Variants in IMMP2L observed in about 807,000 individuals in gnomAD.
IMMP2L encodes the protein mitochondrial inner membrane protease subunit 2.
IMMP2L carries 18 observed loss-of-function variants against 19.3 expected under a neutral mutation model. The ratio of observed to expected loss-of-function variants is 0.93; its 90% confidence interval spans 0.64 to 1.38. The LOEUF is 1.38. IMMP2L is among the 40% of genes most tolerant of loss of function. IMMP2L has a pLI of 0.00. For synonymous variants in IMMP2L, 76 were observed against 73.0 expected (o/e 1.04, Z -0.21); for missense variants, 233 against 218.2 (o/e 1.07, Z -0.43).
In IMMP2L at chr7:111,231,539, C is replaced by T. The variant is rs1813717068; in HGVS notation, c.239+255699G>A. ...TGCTTGCTCATTCTAAAGTAGGTTG[C>T]TGCCTGGTTTTTTTTCCCCTCTCAT... On this transcript the variant is annotated intron_variant, in intron 3 of 5. Transcript: ENST00000405709. 1.3e-5 allele frequency among the ~76,000 whole-genome samples: 2 copies of T among 151,934 alleles called. 1 individual carries two copies. Among genetic ancestry groups the T allele is most frequent in the Admixed American group, 1.3e-4 (2 of 15,182 alleles).
chr7:111,420,627 A>G (rs1487613874), intron 3 of IMMP2L, among the ~76,000 whole-genome samples: 1 of 134,130 alleles, frequency 7.5e-6, no homozygotes, highest in Non-Finnish European at 1.5e-5. Context: ...TCATTGTTCA[A>G]TTCCCACCTA....
At chr7:111,529,413 A>T (rs1847187457) in intron 1 of IMMP2L, among the ~76,000 whole-genome samples, 1 of 152,216 alleles carries the variant, frequency 6.6e-6, no homozygotes, top group Non-Finnish European at 1.5e-5. Flanking sequence ...TTTCAGGACT[A>T]TCTTGCTCCT....
intron 3 of IMMP2L, among the ~76,000 whole-genome samples, chr7:111,105,849 C>T (rs117806287): frequency 0.018 from 2,716 of 151,948 alleles, 31 homozygotes; most frequent in Non-Finnish European, 0.026. Context: ...TCTTTTATAG[C>T]ATCCCCACTT....
rs977162891 is a variant in IMMP2L, at chr7:110,727,837, G to A, written c.409-64116C>T. 1.4e-4 allele frequency among the ~76,000 whole-genome samples: 22 copies of A among 152,296 alleles called. No homozygotes were observed. The highest frequency in any genetic ancestry group is 2.9e-4 in the Non-Finnish European group (20 of 68,030). On this transcript the variant is annotated intron_variant, in intron 5 of 5. Coordinates refer to ENST00000405709, the MANE Select transcript of IMMP2L (RefSeq NM_032549.4). This position sits in a 1 kb window ranked among gnomAD's most constrained non-coding sequence, Gnocchi z 4.3. ...CGTAAGAAAAGAATTGCTTCACCGA[G>A]TGGATTTAAACAGATATGAGGTAAA...
At chr7:111,257,461 T>C (rs1227272243) in intron 3 of IMMP2L, among the ~76,000 whole-genome samples, 2 of 152,162 alleles carry the variant, frequency 1.3e-5, no homozygotes, top group Non-Finnish European at 1.5e-5. Flanking sequence ...TGTTATTGTT[T>C]ATAGCAACCT....
chr7:111,066,416 A>C (rs1252144848), intron 3 of IMMP2L, among the ~76,000 whole-genome samples: 1 of 152,250 alleles, frequency 6.6e-6, no homozygotes, highest in Admixed American at 6.5e-5. Context: ...TGAAAATATT[A>C]ACAATAAAAA....
At chr7:111,428,861 A>C (rs1374585572) in intron 3 of IMMP2L, among the ~76,000 whole-genome samples, 1 of 151,854 alleles carries the variant, frequency 6.6e-6, no homozygotes, top group Non-Finnish European at 1.5e-5. Flanking sequence ...TTCATTTTCC[A>C]TAAGTACTTA....
At chr7:110,703,511 A>G (rs771024957) in intron 5 of IMMP2L, among the ~76,000 whole-genome samples, 3 of 152,194 alleles carry the variant, frequency 2.0e-5, no homozygotes, top group Non-Finnish European at 2.9e-5. Context: ...TCTCTCAGAG[A>G]TAATTCCTTT....
At chr7:111,321,558 T>TTCTCAA (rs1159441553) in intron 3 of IMMP2L, among the ~76,000 whole-genome samples, 1 of 151,926 alleles carries the variant, frequency 6.6e-6, no homozygotes, top group Non-Finnish European at 1.5e-5. Context: ...GAGGTTGAGA[T>TTCTCAA]TCTCAGGTTT....
intron 3 of IMMP2L, among the ~76,000 whole-genome samples, chr7:111,445,438 A>G (rs971537505): frequency 1.5e-4 from 23 of 152,184 alleles, no homozygotes; most frequent in Middle Eastern, 3.4e-3. Context: ...ACATACATAC[A>G]TAAGTTTAAA....
intron 4 of IMMP2L, among the ~76,000 whole-genome samples, chr7:110,961,378 T>G (rs1039399878): frequency 2.6e-5 from 4 of 151,904 alleles, no homozygotes; most frequent in Non-Finnish European, 5.9e-5. Context: ...AAATGCTATG[T>G]AAATATTTGT....
chr7:111,184,568 C>G (rs951144224), intron 3 of IMMP2L, among the ~76,000 whole-genome samples: 1 of 152,218 alleles, frequency 6.6e-6, no homozygotes, highest in East Asian at 1.9e-4. Flanking sequence ...TCATTAGAAG[C>G]AGTTGTAGCA....
intron 5 of IMMP2L, among the ~76,000 whole-genome samples, chr7:110,745,811 A>C (rs1584698544): frequency 6.6e-6 from 1 of 152,370 alleles, no homozygotes; most frequent in East Asian, 1.9e-4. Flanking sequence ...CAAATTGTAA[A>C]GACCATCGAC....
intron 3 of IMMP2L, among the ~76,000 whole-genome samples, chr7:111,408,775 T>A (rs1215173853): frequency 6.6e-6 from 1 of 151,762 alleles, no homozygotes; most frequent in South Asian, 2.1e-4. Context: ...ATATTTTTTT[T>A]AAATATGAAG....
chr7:110,831,639 G>A (rs1216402114), intron 5 of IMMP2L, among the ~76,000 whole-genome samples: 1 of 152,104 alleles, frequency 6.6e-6, no homozygotes, highest in Admixed American at 6.5e-5. Context: ...TATCAAAAGA[G>A]GCTGTTATGA....
chr7:110,697,333 C>T (rs1234170190), intron 5 of IMMP2L, among the ~76,000 whole-genome samples: 2 of 152,168 alleles, frequency 1.3e-5, no homozygotes, highest in Non-Finnish European at 2.9e-5. Flanking sequence ...GACCTGAACA[C>T]AAATACAGGA....
intron 4 of IMMP2L, among the ~76,000 whole-genome samples, chr7:110,905,776 T>G (rs1042086249): frequency 6.6e-6 from 1 of 152,216 alleles, no homozygotes; most frequent in African/African-American, 2.4e-5. Context: ...TACAAACTGA[T>G]AGTTGTCAGC....
At chr7:111,293,693 C>T (rs565869212) in intron 3 of IMMP2L, among the ~76,000 whole-genome samples, 6 of 151,946 alleles carry the variant, frequency 3.9e-5, no homozygotes, top group Admixed American at 6.6e-5. Flanking sequence ...ACATTCACAA[C>T]GTGAATAAAT....
At position 111,035,109 on chromosome 7, in the gene IMMP2L, A is replaced by G. The variant is rs112465854; in HGVS notation, c.240-71544T>C. Among the ~76,000 whole-genome samples the G allele has an allele frequency of 9.5e-3, 1,450 of 152,222 alleles. 24 individuals are homozygous for G. The highest frequency in any genetic ancestry group is 0.033 in the African/African-American group (1,369 of 41,544). ...CCAATACTGCTTTGAGACAGGATCAAATAAAGCCCTGCTTCAAAACTGTAA... is the reference window on the plus strand; with the variant it reads ...CCAATACTGCTTTGAGACAGGATCAGATAAAGCCCTGCTTCAAAACTGTAA... On this transcript the variant is annotated intron_variant, in intron 3 of 5. Coordinates refer to ENST00000405709, the MANE Select transcript of IMMP2L (RefSeq NM_032549.4).
Sources: gnomAD v4.1 joint callset for allele counts (sites outside exome capture counted in the v4.1 genomes callset) on GRCh38, gnomAD v4.1.1 for gene constraint, Gnocchi (gnomAD v3.1) non-coding constraint, MANE v1.5 for transcripts, NCBI Gene and HGNC (gene_info 2026-07-23, HGNC 2026-07-21) for gene names.